The following CAMK2B variants were observed in gnomAD, a reference collection of about 807,000 sequenced individuals.
The protein encoded by CAMK2B is calcium/calmodulin dependent protein kinase II beta.
CAMK2B carries 27 observed loss-of-function variants against 93.7 expected under a neutral mutation model. The ratio of observed to expected loss-of-function variants is 0.29; its 90% CI spans 0.21 to 0.40. The LOEUF (loss-of-function observed/expected upper bound fraction) is 0.40. Among genes scored for constraint, CAMK2B ranks in the 10% least tolerant of loss-of-function variants. The pLI is 1.00. For synonymous variants in CAMK2B, 374 were observed against 358.8 expected (o/e 1.04, Z -0.48); for missense variants, 568 against 895.8 (o/e 0.63, Z 4.67).
intron 1 of CAMK2B, among the ~76,000 whole-genome samples, chr7:44,302,282 C>A (rs555352735): frequency 5.3e-5 from 8 of 152,224 alleles, no homozygotes; most frequent in Non-Finnish European, 1.2e-4. Context: ...ACAGAAAGCA[C>A]CAGGCCCAGA....
chr7:44,244,162 G>A (rs919630855), intron 6 of CAMK2B, among the ~76,000 whole-genome samples: 3 of 152,192 alleles, frequency 2.0e-5, no homozygotes, highest in African/African-American at 7.2e-5. Flanking sequence ...CCCACTACAT[G>A]GGGCAGGAAG....
In CAMK2B at chr7:44,284,111, G is replaced by A. The variant is rs758462940; in HGVS notation, c.160+20C>T. The stretch of plus-strand genomic sequence containing the variant: ...GCCCCAGCCTGACAGCAGCTGCGCA[G>A]GACACTCCCCATGCCCTACCTCTGG... On this transcript the variant is annotated intron_variant, in intron 2 of 23. Transcript: ENST00000395749. 6.3e-7 allele frequency: 1 copy of A among 1,582,182 alleles called. No homozygotes were observed. The highest frequency in any genetic ancestry group is 1.1e-5 in the South Asian group (1 of 90,312).
intron 1 of CAMK2B, among the ~76,000 whole-genome samples, chr7:44,319,752 T>G (rs1432158351): frequency 1.3e-5 from 2 of 152,186 alleles, no homozygotes; most frequent in African/African-American, 4.8e-5. Context: ...GGTCCCAATT[T>G]TTGGTTTAAA....
chr7:44,295,687 G>C (rs1164291075), intron 1 of CAMK2B, among the ~76,000 whole-genome samples: 2 of 152,230 alleles, frequency 1.3e-5, no homozygotes, highest in Non-Finnish European at 2.9e-5. Context: ...GGCAGGGGGA[G>C]GAGAAAAATA....
intron 6 of CAMK2B, among the ~76,000 whole-genome samples, chr7:44,245,430 G>A (rs2096720500): frequency 6.6e-6 from 1 of 152,226 alleles, no homozygotes; most frequent in African/African-American, 2.4e-5. Context: ...GGTTGAGACA[G>A]CAAGAATTCT....
At chr7:44,247,076 G>C (rs368782549) in intron 6 of CAMK2B, 44 bp downstream of exon 6, 5 of 1,504,876 alleles carry the variant, frequency 3.3e-6, no homozygotes, top group Non-Finnish European at 4.6e-6. Flanking sequence ...CAGCATGCAG[G>C]TACAGACAAC....
In CAMK2B at chr7:44,232,806, G is replaced by T. The variant is rs1279592221; in HGVS notation, c.1176+16C>A. ...TCCTGCCTGGGGAAAGCGGGAGGAG[G>T]AAAGTGGGGCAGTACCTTAATCCCG... On this transcript the variant is annotated intron_variant, in intron 16 of 23. Transcript: ENST00000395749. The T allele has an allele frequency of 3.1e-6, 5 of 1,613,402 alleles. No individual in the cohort carries two copies. The Admixed American group carries it at 8.3e-5, about 27-fold the overall frequency.
chr7:44,253,769 T>A (rs1472977338), intron 5 of CAMK2B, among the ~76,000 whole-genome samples: 1 of 152,240 alleles, frequency 6.6e-6, no homozygotes, highest in Non-Finnish European at 1.5e-5. Flanking sequence ...TACTTTTTTT[T>A]AAGTTTTTGG....
chr7:44,325,203 CG>C (rs1563140998), intron 1 of CAMK2B, 153 bp downstream of exon 1: 4 of 235,702 alleles, frequency 1.7e-5, no homozygotes, highest in Non-Finnish European at 2.7e-5. Flanking sequence ...GCTCGCGGGT[CG>C]GGGCCGCGCG....
chr7:44,251,076 C>T (rs550670521), intron 5 of CAMK2B, among the ~76,000 whole-genome samples: 1 of 152,358 alleles, frequency 6.6e-6, no homozygotes, highest in African/African-American at 2.4e-5. Context: ...TCCACGGCAG[C>T]AGCTCCTGGC....
At chr7:44,235,286 T>C (rs2096615228) in intron 13 of CAMK2B, among the ~76,000 whole-genome samples, 3 of 152,364 alleles carry the variant, frequency 2.0e-5, no homozygotes, top group East Asian at 3.9e-4. Context: ...CATTCCGAGC[T>C]GCCCAGCAGC....
intron 13 of CAMK2B, among the ~76,000 whole-genome samples, chr7:44,236,012 G>T (rs192975744): frequency 6.6e-6 from 1 of 150,546 alleles, no homozygotes; most frequent in Non-Finnish European, 1.5e-5. Flanking sequence ...CAGCAGAATC[G>T]CCCTGTACAG....
chr7:44,271,278 C>A lies in CAMK2B; in HGVS notation c.161-8214G>T, dbSNP rs1361072740. 6.6e-6 allele frequency among the ~76,000 whole-genome samples: 1 copy of A among 152,202 alleles called. No homozygotes were observed. Among genetic ancestry groups the A allele is most frequent in the Admixed American group, 6.5e-5 (1 of 15,282 alleles). ...AAACACCAGCCAGGCACACTCTGCA[C>A]CCTGCCTGGTACCAACACACTTAAC... On this transcript the variant is annotated intron_variant, in intron 2 of 23. Coordinates refer to ENST00000395749, the MANE Select transcript of CAMK2B (RefSeq NM_001220.5). This position sits in a 1 kb window ranked among gnomAD's most constrained non-coding sequence, Gnocchi z 4.2.
At chr7:44,231,594 C>T (rs544279922) in intron 16 of CAMK2B, among the ~76,000 whole-genome samples, 13 of 152,220 alleles carry the variant, frequency 8.5e-5, no homozygotes, top group African/African-American at 3.1e-4. Context: ...CAGGGTGAGG[C>T]GTTCCCAGGA....
intron 11 of CAMK2B, 92 bp downstream of exon 11, chr7:44,241,608 G>T: frequency 1.1e-6 from 1 of 936,894 alleles, no homozygotes. Flanking sequence ...GTAACCCCTA[G>T]GTCTGCCCAG....
intron 19 of CAMK2B, among the ~76,000 whole-genome samples, 183 bp downstream of exon 19, chr7:44,228,613 C>G (rs2096544570): frequency 6.6e-6 from 1 of 152,066 alleles, no homozygotes; most frequent in African/African-American, 2.4e-5. Context: ...TAGGGAGAAG[C>G]CAGGAGCTGC....
intron 2 of CAMK2B, among the ~76,000 whole-genome samples, chr7:44,268,414 G>T (rs113594261): frequency 6.6e-6 from 1 of 152,176 alleles, no homozygotes; most frequent in Non-Finnish European, 1.5e-5. Context: ...GGGAGACAAC[G>T]CCACGCCAGT....
intron 20 of CAMK2B, among the ~76,000 whole-genome samples, chr7:44,221,645 C>G (rs1394380448): frequency 6.6e-6 from 1 of 152,232 alleles, no homozygotes; most frequent in Non-Finnish European, 1.5e-5. Flanking sequence ...CCACATGCTA[C>G]CCCTGCAGAC....
rs948232186 is a variant in CAMK2B at position 44,224,528 on chromosome 7, T to C, written c.1597+1988A>G. Among the ~76,000 whole-genome samples, 4 of 152,048 alleles carry C rather than the reference T, an allele frequency of 2.6e-5. No individual in the cohort carries two copies. Among genetic ancestry groups the C allele is most frequent in the African/African-American group, 9.7e-5 (4 of 41,382 alleles). ...TGCAAGTCAGGCCTTCCAGGTGCCCTGACATGAACAGGAGCCTTTGCATTG... is the reference window on the plus strand; with the variant it reads ...TGCAAGTCAGGCCTTCCAGGTGCCCCGACATGAACAGGAGCCTTTGCATTG... On this transcript the variant is annotated intron_variant, in intron 20 of 23. Transcript: ENST00000395749. The surrounding 1 kb of genome is among the most constrained non-coding windows in gnomAD (Gnocchi z 4.4).
Sources: allele counts gnomAD v4.1 joint callset (sites outside exome capture counted in the v4.1 genomes callset), GRCh38; gene constraint gnomAD v4.1.1; non-coding constraint Gnocchi (gnomAD v3.1); transcripts MANE v1.5; gene names NCBI Gene and HGNC (gene_info 2026-07-23, HGNC 2026-07-21).